The following EYS variants were observed in gnomAD, a reference collection of about 807,000 sequenced individuals.
The protein encoded by EYS is EGF-like photoreceptor maintenance factor.
A neutral mutation model predicts 282.1 loss-of-function variants in EYS; 250 were observed. The observed-to-expected ratio is 0.89, with a 90% confidence interval of 0.80 to 0.98. The LOEUF (loss-of-function observed/expected upper bound fraction) is 0.98, where lower values mean the gene tolerates loss of function less well. EYS is among the 50% of genes least tolerant of loss of function. The pLI, the probability that EYS is intolerant of heterozygous loss-of-function variation, is 0.00. For synonymous variants in EYS, 1,355 were observed against 1,282.9 expected, an observed-to-expected ratio of 1.06 and a Z score of -1.20; for missense variants, 4,016 against 3,709.0, an observed-to-expected ratio of 1.08 and a Z score of -2.15.
Position 65,405,372 on chromosome 6 carries a change from A to G in EYS, c.863-5T>C, listed in dbSNP as rs769184430. 5.0e-6 allele frequency: 8 copies of G among 1,593,736 alleles called. No individual in the cohort carries two copies. The highest frequency in any genetic ancestry group is 6.8e-6 in the Non-Finnish European group (8 of 1,172,144). On this transcript the variant is annotated splice_polypyrimidine_tract_variant and splice_region_variant and intron_variant, in intron 5 of 42. Coordinates refer to ENST00000503581, the MANE Select transcript of EYS (RefSeq NM_001142800.2). ...CTGACACCTCACAGAATGGACCTTA[A>G]AAAAATCACACACAAGAAAAAAAAA...
chr6:64,397,049 T>G (rs1441701850), intron 28 of EYS, among the ~76,000 whole-genome samples: 1 of 152,130 alleles, frequency 6.6e-6, no homozygotes, highest in Non-Finnish European at 1.5e-5. Context: ...ATTATTGATA[T>G]TTTGTATAGT....
intron 31 of EYS, among the ~76,000 whole-genome samples, chr6:64,098,570 T>A (rs112305422): frequency 2.4e-4 from 37 of 151,810 alleles, no homozygotes; most frequent in African/African-American, 8.7e-4. Flanking sequence ...TTATGCAAAG[T>A]CTTCAAATGT....
intron 2 of EYS, among the ~76,000 whole-genome samples, chr6:65,585,549 A>G (rs1380741487): frequency 1.3e-5 from 2 of 152,024 alleles, no homozygotes; most frequent in African/African-American, 4.8e-5. Flanking sequence ...TAAAAATGTT[A>G]AATAAATAAT....
intron 30 of EYS, among the ~76,000 whole-genome samples, chr6:64,287,595 C>T (rs2150364149): frequency 6.6e-6 from 1 of 152,172 alleles, no homozygotes; most frequent in East Asian, 1.9e-4. Context: ...AATAGAGCAA[C>T]ATGGAAGAAC....
intron 36 of EYS, among the ~76,000 whole-genome samples, chr6:63,807,163 C>T (rs1770927987): frequency 6.6e-6 from 1 of 152,048 alleles, no homozygotes; most frequent in Non-Finnish European, 1.5e-5. Context: ...TTTAAATCTC[C>T]TTACCCAAAG....
At chr6:64,600,987 C>G (rs996393488) in intron 24 of EYS, among the ~76,000 whole-genome samples, 1 of 152,030 alleles carries the variant, frequency 6.6e-6, no homozygotes, top group African/African-American at 2.4e-5. Flanking sequence ...CTGTTAAATA[C>G]AAAGCACAGT....
At chr6:65,623,463 A>G (rs1766593129) in intron 2 of EYS, among the ~76,000 whole-genome samples, 1 of 152,176 alleles carries the variant, frequency 6.6e-6, no homozygotes, top group Non-Finnish European at 1.5e-5. Flanking sequence ...AATTTTTAAC[A>G]GTTGTTTATA....
At chr6:64,339,251 C>A (rs1486004031) in intron 29 of EYS, among the ~76,000 whole-genome samples, 1 of 151,644 alleles carries the variant, frequency 6.6e-6, no homozygotes, top group Admixed American at 6.6e-5. Flanking sequence ...GACTAATATC[C>A]AGAATCTACA....
At chr6:65,668,452 A>G (rs528654057) in intron 1 of EYS, among the ~76,000 whole-genome samples, 1 of 151,942 alleles carries the variant, frequency 6.6e-6, no homozygotes, top group East Asian at 1.9e-4. Context: ...ATTTTATTGA[A>G]TCACAGCCAC....
intron 22 of EYS, among the ~76,000 whole-genome samples, chr6:64,773,942 C>A (rs997113024): frequency 6.6e-6 from 1 of 151,982 alleles, no homozygotes; most frequent in Middle Eastern, 3.4e-3. Flanking sequence ...TAATTAGGTC[C>A]TATTTGTCAA....
intron 26 of EYS, among the ~76,000 whole-genome samples, chr6:64,501,345 T>C (rs1274898199): frequency 1.3e-5 from 2 of 151,952 alleles, no homozygotes; most frequent in East Asian, 3.9e-4. Flanking sequence ...AAATAACAAA[T>C]CATTAGGATA....
At chr6:63,816,469 C>G (rs1771180572) in intron 36 of EYS, among the ~76,000 whole-genome samples, 1 of 152,166 alleles carries the variant, frequency 6.6e-6, no homozygotes. Context: ...GGAAAGGAGA[C>G]AGATTACCTC....
chr6:64,924,073 G>T (rs1768436429), intron 15 of EYS, among the ~76,000 whole-genome samples: 1 of 152,188 alleles, frequency 6.6e-6, no homozygotes, highest in Non-Finnish European at 1.5e-5. Flanking sequence ...CCCTAGCAGA[G>T]GTTCTCCATG....
intron 14 of EYS, among the ~76,000 whole-genome samples, chr6:64,973,433 T>A (rs1770365096): frequency 6.6e-6 from 1 of 152,012 alleles, no homozygotes; most frequent in African/African-American, 2.4e-5. Context: ...AAAACATACA[T>A]CTAACAATAA....
intron 1 of EYS, among the ~76,000 whole-genome samples, chr6:65,692,870 A>G (rs1351795165): frequency 1.3e-5 from 2 of 150,238 alleles, no homozygotes; most frequent in African/African-American, 4.8e-5. Context: ...CAACTCATAG[A>G]GAAGGTTTAT....
At chr6:64,715,853 G>A (rs888853976) in intron 22 of EYS, among the ~76,000 whole-genome samples, 1 of 152,168 alleles carries the variant, frequency 6.6e-6, no homozygotes, top group Non-Finnish European at 1.5e-5. Flanking sequence ...GGTTGAATAC[G>A]TCACACAAGT....
chr6:65,529,715 G>A (rs1378175514), intron 2 of EYS, among the ~76,000 whole-genome samples: 1 of 152,060 alleles, frequency 6.6e-6, no homozygotes, highest in Non-Finnish European at 1.5e-5. Context: ...TAAGTGTTGG[G>A]CCTTTGTGAT....
chr6:64,668,433 T>A (rs372431858), intron 22 of EYS, among the ~76,000 whole-genome samples: 14 of 152,256 alleles, frequency 9.2e-5, no homozygotes, highest in African/African-American at 3.4e-4. Flanking sequence ...ATGCTTATCA[T>A]ATTTGTTGCT....
intron 2 of EYS, among the ~76,000 whole-genome samples, chr6:65,586,570 A>T (rs146085332): frequency 1.3e-5 from 2 of 152,204 alleles, no homozygotes; most frequent in Non-Finnish European, 2.9e-5. Context: ...TTGAGTAGCA[A>T]CATACTTTTT....
Sources: allele counts gnomAD v4.1 joint callset (sites outside exome capture counted in the v4.1 genomes callset), GRCh38; gene constraint gnomAD v4.1.1; transcripts MANE v1.5; gene names NCBI Gene and HGNC (gene_info 2026-07-23, HGNC 2026-07-21).